The following GABRG3 variants were observed in gnomAD, a reference collection of about 807,000 sequenced individuals.
GABRG3 encodes gamma-aminobutyric acid receptor subunit gamma-3.
A neutral mutation model predicts 48.8 loss-of-function variants in GABRG3; 25 were observed. That is an observed-to-expected ratio of 0.51 (90% CI 0.37 to 0.72). The LOEUF (loss-of-function observed/expected upper bound fraction) is 0.72, where lower values mean the gene tolerates loss of function less well. GABRG3 is among the 30% of genes least tolerant of loss of function. The pLI, the probability that GABRG3 is intolerant of heterozygous loss-of-function variation, is 0.00. For missense variants in GABRG3, 394 were observed against 577.9 expected (o/e 0.68, Z 3.26); for synonymous variants, 227 against 217.6 (o/e 1.04, Z -0.38).
Position 26,971,556 on chromosome 15 carries a change from C to T in GABRG3, c.21C>T (p.Leu7=). 3 of 1,530,760 alleles carry T rather than the reference C, an allele frequency of 2.0e-6. No homozygotes were observed. Among genetic ancestry groups the T allele is most frequent in the Non-Finnish European group, 2.6e-6 (3 of 1,139,374 alleles). 94.8% of individuals were successfully genotyped at this position (1,530,760 alleles called of 1,614,324 possible). A position where few individuals can be genotyped will look rare whatever the true frequency, so the allele number is the denominator to read the frequency against. MAPKLL[L]LLCLFSGLHA... is the part of the protein sequence containing the mutation. ...GCACCATGGCCCCGAAGCTGCTGCT[C>T]CTCCTCTGCCTGTTCTCGGGCTTGC... The change falls in exon 1 of 10, where the codon CTC becomes CTT. Residue 7 remains leucine (L), a synonymous_variant. Transcript: ENST00000615808.
At chr15:27,278,658 C>T (rs1891335336) in intron 3 of GABRG3, among the ~76,000 whole-genome samples, 1 of 152,102 alleles carries the variant, frequency 6.6e-6, no homozygotes, top group Admixed American at 6.5e-5. Flanking sequence ...AGAGTATTGC[C>T]TGGTATGCAT....
intron 5 of GABRG3, among the ~76,000 whole-genome samples, chr15:27,404,471 C>G (rs961351130): frequency 6.6e-6 from 1 of 152,104 alleles, no homozygotes; most frequent in East Asian, 1.9e-4. Context: ...TATACGTGGG[C>G]GTCAACCAGA....
chr15:27,320,170 A>C (rs886981823), intron 3 of GABRG3, among the ~76,000 whole-genome samples: 1 of 152,130 alleles, frequency 6.6e-6, no homozygotes, highest in Non-Finnish European at 1.5e-5. Context: ...CTGTGTGTTC[A>C]CTTGGTCTTT....
intron 3 of GABRG3, among the ~76,000 whole-genome samples, chr15:27,235,752 A>C (rs1316686404): frequency 6.6e-6 from 1 of 152,208 alleles, no homozygotes; most frequent in East Asian, 1.9e-4. Flanking sequence ...GAAATATCTT[A>C]GACTCCAGGC....
At chr15:27,064,909 C>A (rs150268849) in intron 3 of GABRG3, among the ~76,000 whole-genome samples, 1,952 of 152,290 alleles carry the variant, frequency 0.013, 40 homozygotes, top group African/African-American at 0.045. Flanking sequence ...CATCTTTAAA[C>A]GTGTGTCAAG....
intron 3 of GABRG3, among the ~76,000 whole-genome samples, chr15:27,308,623 ATAAACATATAATGT>A: frequency 9.2e-6 from 1 of 108,192 alleles, no homozygotes; most frequent in East Asian, 2.1e-4. Context: ...ACGCTTATAT[ATAAACATATAATGT>A]AAACATACGC....
At chr15:27,064,716 G>A (rs1257347272) in intron 3 of GABRG3, among the ~76,000 whole-genome samples, 1 of 152,154 alleles carries the variant, frequency 6.6e-6, no homozygotes, top group Non-Finnish European at 1.5e-5. Context: ...ACCCACAGGA[G>A]GGCCTCATTT....
At chr15:27,508,544 C>T (rs1474177305) in intron 6 of GABRG3, among the ~76,000 whole-genome samples, 1 of 152,106 alleles carries the variant, frequency 6.6e-6, no homozygotes, top group African/African-American at 2.4e-5. Context: ...AGCATAAATA[C>T]ACTCATTTAT....
intron 3 of GABRG3, among the ~76,000 whole-genome samples, chr15:27,130,696 T>G (rs962010432): frequency 1.3e-5 from 2 of 152,102 alleles, no homozygotes; most frequent in Non-Finnish European, 2.9e-5. Context: ...CATTTTTTGG[T>G]ATCTTCCTTA....
chr15:27,203,863 C>T (rs1326246346), intron 3 of GABRG3, among the ~76,000 whole-genome samples: 1 of 152,016 alleles, frequency 6.6e-6, no homozygotes, highest in African/African-American at 2.4e-5. Context: ...TGTTCATATC[C>T]TTTGAACATT....
At chr15:27,048,158 C>G (rs567850756) in intron 3 of GABRG3, among the ~76,000 whole-genome samples, 1 of 152,218 alleles carries the variant, frequency 6.6e-6, no homozygotes, top group East Asian at 1.9e-4. Flanking sequence ...GGCCCCATAC[C>G]TGCCAGAGGA....
intron 3 of GABRG3, among the ~76,000 whole-genome samples, chr15:27,036,467 G>A (rs961513287): frequency 1.9e-4 from 29 of 152,160 alleles, no homozygotes; most frequent in Non-Finnish European, 3.5e-4. Flanking sequence ...TGAGGCGGGC[G>A]GATCATGAGG....
intron 5 of GABRG3, among the ~76,000 whole-genome samples, chr15:27,433,168 CA>C (rs1226791680): frequency 6.6e-6 from 1 of 152,228 alleles, no homozygotes; most frequent in African/African-American, 2.4e-5. Flanking sequence ...ACGTGGTCCT[CA>C]AAATGCTTCT....
intron 2 of GABRG3, among the ~76,000 whole-genome samples, chr15:27,019,645 G>A (rs1193176466): frequency 6.6e-6 from 1 of 152,136 alleles, no homozygotes; most frequent in African/African-American, 2.4e-5. Context: ...TTGGTGATGG[G>A]GTGTAGGGGA....
At chr15:27,145,649 C>T (rs1280618879) in intron 3 of GABRG3, among the ~76,000 whole-genome samples, 2 of 150,118 alleles carry the variant, frequency 1.3e-5, no homozygotes, top group Non-Finnish European at 2.9e-5. Flanking sequence ...ATCTATCTAT[C>T]TATCTATCTA....
intron 3 of GABRG3, among the ~76,000 whole-genome samples, chr15:27,202,764 A>G (rs1888729454): frequency 1.3e-5 from 2 of 151,998 alleles, no homozygotes; most frequent in South Asian, 4.1e-4. Flanking sequence ...ATATGGTTTT[A>G]TTATCAAGGA....
At chr15:27,082,552 C>G (rs1024601951) in intron 3 of GABRG3, among the ~76,000 whole-genome samples, 2 of 152,094 alleles carry the variant, frequency 1.3e-5, no homozygotes, top group African/African-American at 4.8e-5. Context: ...TGATTAGAAG[C>G]CACTTGGGCA....
chr15:27,063,066 C>A (rs372481454), intron 3 of GABRG3, among the ~76,000 whole-genome samples: 99 of 152,284 alleles, frequency 6.5e-4, no homozygotes, highest in Non-Finnish European at 1.1e-3. Flanking sequence ...GTTTTCCCCC[C>A]CAATGAGGAA....
rs1889086679 is a variant in GABRG3, at chr15:27,450,752, C to G, written c.575-29898C>G. On this transcript the variant is annotated intron_variant, in intron 5 of 9. Coordinates refer to ENST00000615808, the MANE Select transcript of GABRG3 (RefSeq NM_033223.5). ...GGGGGTGGGGGGGTGGCATCCAAAT[C>G]TTCTGAAAAAAAGAACTAAAAATGT... 2.6e-5 allele frequency among the ~76,000 whole-genome samples: 4 copies of G among 152,010 alleles called. No individual in the cohort carries two copies. In the South Asian group the frequency reaches 8.3e-4, roughly 32 times the overall value.
Sources: allele counts gnomAD v4.1 joint callset (sites outside exome capture counted in the v4.1 genomes callset), GRCh38; gene constraint gnomAD v4.1.1; transcripts MANE v1.5; gene names NCBI Gene and HGNC (gene_info 2026-07-23, HGNC 2026-07-21).